The following STK32B variants were observed in gnomAD, a reference collection of about 807,000 sequenced individuals.
The protein encoded by STK32B is serine/threonine-protein kinase 32B.
In STK32B, 43 loss-of-function variants were observed where a neutral mutation model predicts 52.6. The observed-to-expected ratio is 0.82, with a 90% CI of 0.64 to 1.05. The LOEUF is 1.05. Ranked by LOEUF, STK32B falls within the 50% of genes least tolerant of loss-of-function variation. The pLI, the probability that STK32B is intolerant of heterozygous loss-of-function variation, is 0.00. For synonymous variants in STK32B, 238 were observed against 204.3 expected, an observed-to-expected ratio of 1.17 and a Z score of -1.41; for missense variants, 621 against 534.6, an observed-to-expected ratio of 1.16 and a Z score of -1.59.
intron 9 of STK32B, among the ~76,000 whole-genome samples, chr4:5,462,165 G>T (rs1282958377): frequency 6.6e-6 from 1 of 151,800 alleles, no homozygotes. Flanking sequence ...GTGTCTGTGT[G>T]TCTGTACGTC....
intron 3 of STK32B, 137 bp from the exon 4 acceptor site, chr4:5,331,082 TC>T: frequency 1.4e-6 from 1 of 709,898 alleles, no homozygotes; most frequent in Non-Finnish European, 2.2e-6. Flanking sequence ...TCCCCTCCAC[TC>T]CCATAGCACC....
chr4:5,250,771 A>G (rs191727749), intron 3 of STK32B, among the ~76,000 whole-genome samples: 1 of 152,278 alleles, frequency 6.6e-6, no homozygotes, highest in Admixed American at 6.5e-5. Context: ...CTGGTGTGAG[A>G]TGGCATCTCA....
At chr4:5,113,924 CCG>C (rs144337497) in intron 1 of STK32B, among the ~76,000 whole-genome samples, 43,071 of 136,244 alleles carry the variant, frequency 0.32, 6,543 homozygotes, top group Middle Eastern at 0.45. Flanking sequence ...GCAGGGAAAC[CCG>C]CCCCCCTTTT....
chr4:5,376,472 G>A (rs948862357), intron 4 of STK32B, among the ~76,000 whole-genome samples: 1 of 151,602 alleles, frequency 6.6e-6, no homozygotes, highest in Non-Finnish European at 1.5e-5. Context: ...GCGTCCACCT[G>A]CCAGACAGCA....
At chr4:5,310,851 A>G (rs1483209052) in intron 3 of STK32B, among the ~76,000 whole-genome samples, 2 of 152,220 alleles carry the variant, frequency 1.3e-5, no homozygotes, top group Non-Finnish European at 2.9e-5. Context: ...ATAGAGTACT[A>G]TTTAGCCATA....
chr4:5,095,141 G>A (rs1713312634), intron 1 of STK32B, among the ~76,000 whole-genome samples: 1 of 152,108 alleles, frequency 6.6e-6, no homozygotes, highest in South Asian at 2.1e-4. Context: ...TAGGAATGAG[G>A]GCTAGGGACA....
chr4:5,091,520 A>G (rs1017205150), intron 1 of STK32B, among the ~76,000 whole-genome samples: 18 of 152,308 alleles, frequency 1.2e-4, no homozygotes, highest in East Asian at 3.9e-4. Context: ...CAAACCCACA[A>G]TGATACACTA....
chr4:5,120,310 A>G (rs1714959869), intron 1 of STK32B, among the ~76,000 whole-genome samples: 3 of 152,178 alleles, frequency 2.0e-5, no homozygotes. Context: ...TGCCTACGTC[A>G]TTCACTTCCC....
At chr4:5,106,477 A>G (rs1002126158) in intron 1 of STK32B, among the ~76,000 whole-genome samples, 1 of 152,142 alleles carries the variant, frequency 6.6e-6, no homozygotes, top group Non-Finnish European at 1.5e-5. Context: ...TGGTTTTACT[A>G]TTTATACTCA....
chr4:5,334,384 C>T (rs2108959291), intron 4 of STK32B, among the ~76,000 whole-genome samples: 1 of 152,204 alleles, frequency 6.6e-6, no homozygotes, highest in East Asian at 1.9e-4. Context: ...TGGGCTGAGA[C>T]AATGGGGTTT....
At chr4:5,338,549 C>G (rs976662882) in intron 4 of STK32B, among the ~76,000 whole-genome samples, 3 of 152,052 alleles carry the variant, frequency 2.0e-5, no homozygotes, top group South Asian at 4.2e-4. Flanking sequence ...GATAGATGAT[C>G]CATGTGTCCA....
At chr4:5,064,410 A>T (rs375346119) in intron 1 of STK32B, among the ~76,000 whole-genome samples, 39 of 108,694 alleles carry the variant, frequency 3.6e-4, no homozygotes, top group East Asian at 5.5e-4. Flanking sequence ...TATACATATA[A>T]TATATAAATA....
intron 2 of STK32B, among the ~76,000 whole-genome samples, chr4:5,163,592 G>C (rs1184546074): frequency 6.6e-6 from 1 of 151,296 alleles, no homozygotes; most frequent in Non-Finnish European, 1.5e-5. Context: ...AAGAGAGAGA[G>C]AGAGATGTTG....
At chr4:5,338,815 G>A (rs1197922803) in intron 4 of STK32B, among the ~76,000 whole-genome samples, 1 of 152,210 alleles carries the variant, frequency 6.6e-6, no homozygotes, top group East Asian at 1.9e-4. Flanking sequence ...TTATGGGAAT[G>A]TTTTAAAGTC....
intron 3 of STK32B, among the ~76,000 whole-genome samples, chr4:5,172,441 G>A (rs937427466): frequency 1.1e-4 from 17 of 151,826 alleles, no homozygotes; most frequent in African/African-American, 3.4e-4. Context: ...TATTGGCTGT[G>A]GGTTTGTCAT....
intron 1 of STK32B, among the ~76,000 whole-genome samples, chr4:5,084,349 C>G (rs1400452600): frequency 6.6e-6 from 1 of 152,040 alleles, no homozygotes; most frequent in Non-Finnish European, 1.5e-5. Context: ...TTACAAAAGA[C>G]AACAGCATTA....
chr4:5,074,323 G>T (rs1247213465), intron 1 of STK32B, among the ~76,000 whole-genome samples: 2 of 151,854 alleles, frequency 1.3e-5, no homozygotes, highest in East Asian at 1.9e-4. Context: ...TCTAGTCCAT[G>T]AATTTTAAAA....
intron 2 of STK32B, among the ~76,000 whole-genome samples, chr4:5,157,053 C>G (rs147089051): frequency 6.6e-6 from 1 of 151,926 alleles, no homozygotes; most frequent in African/African-American, 2.4e-5. Context: ...TGTAACAAAT[C>G]CATTTGGGAA....
At chr4:5,437,373 T>G (rs1714178746) in intron 6 of STK32B, among the ~76,000 whole-genome samples, 1 of 152,250 alleles carries the variant, frequency 6.6e-6, no homozygotes, top group Admixed American at 6.5e-5. Context: ...TCTGCCTCTT[T>G]GAGCTTCCAG....
Sources: allele counts gnomAD v4.1 joint callset (sites outside exome capture counted in the v4.1 genomes callset), GRCh38; gene constraint gnomAD v4.1.1; transcripts MANE v1.5; gene names NCBI Gene and HGNC (gene_info 2026-07-23, HGNC 2026-07-21).